COPE: variants seen among roughly 807,000 people sequenced by gnomAD.
COPE encodes the protein coat protein complex I subunit epsilon.
COPE carries 19 observed loss-of-function variants against 42.1 expected under a neutral mutation model. The ratio of observed to expected loss-of-function variants is 0.45; its 90% confidence interval spans 0.31 to 0.66. The LOEUF is 0.66. COPE is among the 30% of genes least tolerant of loss of function. COPE has a pLI of 0.05. For synonymous variants in COPE, 195 were observed against 181.3 expected (o/e 1.08, Z -0.60); for missense variants, 402 against 416.1 (o/e 0.97, Z 0.30).
At chr19:18,918,776 A>C (rs992393270) in intron 1 of COPE, among the ~76,000 whole-genome samples, 1 of 152,174 alleles carries the variant, frequency 6.6e-6, no homozygotes, top group Admixed American at 6.5e-5. Flanking sequence ...TGCCCGTCCA[A>C]AAAAGTGCTC....
At chr19:18,916,750 T>C (rs1335961628) in intron 1 of COPE, among the ~76,000 whole-genome samples, 1 of 150,982 alleles carries the variant, frequency 6.6e-6, no homozygotes, top group African/African-American at 2.4e-5. Flanking sequence ...ATCGTGCCAC[T>C]GCACTCCAGC....
intron 1 of COPE, among the ~76,000 whole-genome samples, chr19:18,918,082 CGA>C (rs1304060073): frequency 1.0e-4 from 15 of 147,738 alleles, no homozygotes; most frequent in Admixed American, 9.7e-4. Context: ...CCCAGCTACT[CGA>C]GAGGCTGAGA....
At chr19:18,917,450 C>T (rs897994946) in intron 1 of COPE, among the ~76,000 whole-genome samples, 14 of 151,884 alleles carry the variant, frequency 9.2e-5, no homozygotes, top group African/African-American at 3.4e-4. Context: ...CTCACTGCAA[C>T]CTCCACCTCC....
chr19:18,914,467 G>C (rs796789313), intron 1 of COPE, among the ~76,000 whole-genome samples: 41 of 152,034 alleles, frequency 2.7e-4, no homozygotes, highest in African/African-American at 9.2e-4. Context: ...CTTGAACCCG[G>C]GAGATAGAGG....
In COPE at chr19:18,906,998, G is replaced by A. The variant is rs376586184; in HGVS notation, c.405C>T (p.Ala135=). 4.4e-5 allele frequency: 70 copies of A among 1,583,552 alleles called. 1 individual carries two copies. The East Asian group carries it at 7.2e-4, about 16-fold the overall frequency. The change falls in exon 4 of 10, where the codon GCC becomes GCT. Residue 135 remains alanine (A), a synonymous_variant. Coordinates refer to ENST00000262812, the MANE Select transcript of COPE (RefSeq NM_007263.4). ...CCCCCTGGTGCAGCGCACGCAGGGCGGCATCCGGGTTCTGGTCGTGGAGAT... is the reference window on the plus strand; with the variant it reads ...CCCCCTGGTGCAGCGCACGCAGGGCAGCATCCGGGTTCTGGTCGTGGAGAT... ...SIYLHDQNPD[A]ALRALHQGDS...
At chr19:18,906,122 C>A (rs2056757004) in intron 4 of COPE, 4 of 398,140 alleles carry the variant, frequency 1.0e-5, no homozygotes, top group Non-Finnish European at 1.3e-5. Context: ...TGTTTTCCTG[C>A]CAACAGGAGC....
At position 18,899,589 on chromosome 19, in the gene COPE, G is replaced by C. The variant is rs923568422; in HGVS notation, c.*90C>G. On this transcript the variant is annotated 3_prime_UTR_variant, in exon 10 of 10. Coordinates refer to ENST00000262812, the MANE Select transcript of COPE (RefSeq NM_007263.4). ...GGGGGTGGGCTCCTGCCCCCAGAGG[G>C]GATGCAGGTGGATGCCGGGTGGGGA... is the stretch of plus-strand genomic sequence containing the variant. The C allele has an allele frequency of 4.6e-5, 64 of 1,404,862 alleles. No individual in the cohort carries two copies. Among genetic ancestry groups the C allele is most frequent in the Non-Finnish European group, 6.3e-5 (63 of 995,722 alleles). The allele number at this position is 1,404,862 out of a possible 1,614,324, so 87.0% of individuals were successfully genotyped here.
chr19:18,911,265 C>T (rs2145074425), intron 2 of COPE, 194 bp from the exon 3 acceptor site: 1 of 599,322 alleles, frequency 1.7e-6, no homozygotes, highest in Non-Finnish European at 3.0e-6. Context: ...CAGGTGTGCC[C>T]TCATCTGCAG....
chr19:18,900,429 C>A lies in COPE; in HGVS notation c.756G>T (p.Thr252=), dbSNP rs147079120. 7 of 1,548,412 alleles carry A rather than the reference C, an allele frequency of 4.5e-6. No individual in the cohort carries two copies. The highest frequency in any genetic ancestry group is 2.0e-5 in the Admixed American group (1 of 50,820). ...ALDKDSGYPE[T]LVNLIVLSQH... is the part of the protein sequence containing the mutation. ...GGGACAGGACGATGAGGTTGACCAG[C>A]GTCTCTGGGTAGCCACTATCCTGGA... Residue 252 remains threonine (T), a synonymous_variant, in exon 8 of 10, where the codon ACG becomes ACT. Transcript: ENST00000262812.
chr19:18,906,025 C>G, intron 4 of COPE: 1 of 421,246 alleles, frequency 2.4e-6, no homozygotes, highest in Non-Finnish European at 4.2e-6. Flanking sequence ...CCTGGGGCCA[C>G]CCACTCTCTG....
At chr19:18,905,088 G>A (rs2145059566) in intron 5 of COPE, among the ~76,000 whole-genome samples, 1 of 152,338 alleles carries the variant, frequency 6.6e-6, no homozygotes, top group African/African-American at 2.4e-5. Flanking sequence ...GCCACCACAA[G>A]GTAGAGCTCA....
chr19:18,917,920 G>C (rs1456013747), intron 1 of COPE, among the ~76,000 whole-genome samples: 1 of 151,970 alleles, frequency 6.6e-6, no homozygotes, highest in African/African-American at 2.4e-5. Flanking sequence ...GCTGGGCACG[G>C]TGGCTCACAC....
chr19:18,917,241 C>CTTTTTTTTTTTTTTT (rs531312180), intron 1 of COPE, among the ~76,000 whole-genome samples: 16 of 110,638 alleles, frequency 1.4e-4, no homozygotes, highest in South Asian at 3.0e-4. Context: ...TTCTTTTTTT[C>CTTTTTTTTTTTTTTT]TTTTTTTTTT....
intron 4 of COPE, chr19:18,906,111 T>C: frequency 2.5e-6 from 1 of 398,864 alleles, no homozygotes; most frequent in Non-Finnish European, 4.4e-6. Flanking sequence ...CCTCTTGTTC[T>C]TGTTTTCCTG....
chr19:18,902,793 G>GAAGGA (rs2056719430), intron 7 of COPE, among the ~76,000 whole-genome samples: 1 of 33,418 alleles, frequency 3.0e-5, no homozygotes, highest in Non-Finnish European at 5.9e-5. Flanking sequence ...AGGAAGGAAG[G>GAAGGA]AAGGAAGGAA....
chr19:18,906,978 T>G lies in COPE; in HGVS notation c.425A>C (p.Gln142Pro). The G allele has an allele frequency of 6.4e-7, 1 of 1,566,876 alleles. No individual in the cohort carries two copies. Among genetic ancestry groups the G allele is most frequent in the Non-Finnish European group, 8.6e-7 (1 of 1,156,118 alleles). ...NPDAALRALH[Q>P]GDSLECTAMT... The stretch of plus-strand genomic sequence containing the variant: ...CACTCACCACTCCAGGCTGTCCCCC[T>G]GGTGCAGCGCACGCAGGGCGGCATC... The change falls in exon 4 of 10, where the codon CAG becomes CCG. Residue 142 changes from glutamine (Q) to proline (P), a missense_variant. Gln to Pro is a moderately conservative substitution (Grantham distance 76, BLOSUM62 -1). Coordinates refer to ENST00000262812, the MANE Select transcript of COPE (RefSeq NM_007263.4).
intron 4 of COPE, chr19:18,906,673 G>A (rs1172794279): frequency 2.5e-5 from 8 of 319,720 alleles, no homozygotes; most frequent in African/African-American, 1.7e-4. Context: ...CGTGGGGGGT[G>A]GGGACACAGA....
intron 6 of COPE, among the ~76,000 whole-genome samples, chr19:18,903,906 A>G (rs1164242799): frequency 2.0e-5 from 3 of 152,174 alleles, no homozygotes; most frequent in African/African-American, 7.2e-5. Flanking sequence ...CTACCATACT[A>G]GACGGTCACT....
intron 7 of COPE, among the ~76,000 whole-genome samples, chr19:18,902,125 A>G (rs1601208149): frequency 6.8e-6 from 1 of 146,508 alleles, no homozygotes; most frequent in Non-Finnish European, 1.5e-5. Context: ...GCTTGCAGTG[A>G]GCCGAGATCA....
Sources: gnomAD v4.1 joint callset for allele counts (sites outside exome capture counted in the v4.1 genomes callset) on GRCh38, gnomAD v4.1.1 for gene constraint, MANE v1.5 for transcripts, NCBI Gene and HGNC (gene_info 2026-07-23, HGNC 2026-07-21) for gene names.